The following PRKG2 variants were observed in gnomAD, a reference collection of about 807,000 sequenced individuals.
The protein encoded by PRKG2 is cGMP-dependent protein kinase 2.
Under a neutral mutation model 97.2 loss-of-function variants are expected in PRKG2, and 33 were observed. The ratio of observed to expected loss-of-function variants is 0.34; its 90% confidence interval spans 0.26 to 0.45. The LOEUF (loss-of-function observed/expected upper bound fraction) is 0.45. Among genes scored for constraint, PRKG2 ranks in the 20% least tolerant of loss-of-function variants. The pLI, the probability that PRKG2 is intolerant of heterozygous loss-of-function variation, is 1.00. For synonymous variants in PRKG2, 330 were observed against 321.8 expected, an observed-to-expected ratio of 1.03 and a Z score of -0.27; for missense variants, 638 against 900.0, an observed-to-expected ratio of 0.71 and a Z score of 3.73.
At chr4:81,159,993 A>G (rs1749473865) in intron 6 of PRKG2, among the ~76,000 whole-genome samples, 1 of 150,816 alleles carries the variant, frequency 6.6e-6, no homozygotes, top group Non-Finnish European at 1.5e-5. Flanking sequence ...GAGCATTGGG[A>G]GATATACCTA....
Position 81,169,492 on chromosome 4 carries a change from C to T in PRKG2, c.848+171G>A, listed in dbSNP as rs1578460146. ...ATACAAGGATAATAGAAATTAAATA[C>T]AGTTTTTGGTATGTACTGGCATTTA... On this transcript the variant is annotated intron_variant, in intron 5 of 18. Coordinates refer to ENST00000264399, the MANE Select transcript of PRKG2 (RefSeq NM_006259.3). Among the ~76,000 whole-genome samples, 6 of 152,144 alleles carry T rather than the reference C, an allele frequency of 3.9e-5. 1 individual carries two copies. Among genetic ancestry groups the T allele is most frequent in the Admixed American group, 3.9e-4 (6 of 15,256 alleles).
chr4:81,178,579 G>T (rs1006984653), intron 2 of PRKG2, among the ~76,000 whole-genome samples: 1 of 151,232 alleles, frequency 6.6e-6, no homozygotes, highest in Non-Finnish European at 1.5e-5. Flanking sequence ...AGCTTGACAC[G>T]CAAAAGATCA....
chr4:81,201,503 T>C (rs775594380), intron 2 of PRKG2, among the ~76,000 whole-genome samples: 15 of 152,068 alleles, frequency 9.9e-5, no homozygotes, highest in Admixed American at 5.9e-4. Flanking sequence ...AGTAGGGAGG[T>C]ACAATTAGAC....
At chr4:81,194,386 G>GT (rs1418600767) in intron 2 of PRKG2, among the ~76,000 whole-genome samples, 1 of 149,262 alleles carries the variant, frequency 6.7e-6, no homozygotes, top group East Asian at 2.0e-4. Flanking sequence ...CCAGATAATT[G>GT]TTTTTGAGTG....
chr4:81,160,750 C>CT (rs1749537434), intron 6 of PRKG2, among the ~76,000 whole-genome samples: 1 of 151,946 alleles, frequency 6.6e-6, no homozygotes, highest in Non-Finnish European at 1.5e-5. Context: ...TTGCATATTT[C>CT]TTTTTATTTA....
Position 81,148,904 on chromosome 4 carries a change from T to C in PRKG2, c.1134A>G (p.Ala378=), listed in dbSNP as rs1560580060. Residue 378 remains alanine, a synonymous_variant, in exon 9 of 19, where the codon GCA becomes GCG. Coordinates refer to ENST00000264399, the MANE Select transcript of PRKG2 (RefSeq NM_006259.3). ...ANIIAEENDV[A]CLVIDRETFN... is the part of the protein sequence containing the mutation. ...CTCACTCTCGATCTATAACCAGGCA[T>C]GCAACATCATTTTCTTCAGCAATAA... 4 of 1,613,778 alleles carry C rather than the reference T, an allele frequency of 2.5e-6. No homozygotes were observed. Among genetic ancestry groups the C allele is most frequent in the Non-Finnish European group, 3.4e-6 (4 of 1,179,710 alleles).
At chr4:81,136,201 T>C (rs1314440318) in intron 13 of PRKG2, among the ~76,000 whole-genome samples, 1 of 152,212 alleles carries the variant, frequency 6.6e-6, no homozygotes. Context: ...GAAATGTTCA[T>C]GATACAACAC....
chr4:81,182,311 G>T (rs575212906), intron 2 of PRKG2, among the ~76,000 whole-genome samples: 2 of 151,966 alleles, frequency 1.3e-5, no homozygotes, highest in Non-Finnish European at 2.9e-5. Flanking sequence ...ATAATGGGAT[G>T]CAGAAAGAGT....
intron 2 of PRKG2, among the ~76,000 whole-genome samples, chr4:81,185,770 G>A (rs1751828320): frequency 6.6e-6 from 1 of 151,986 alleles, no homozygotes; most frequent in South Asian, 2.1e-4. Context: ...AAAAAGGGAT[G>A]GTGGAATATT....
intron 13 of PRKG2, 142 bp from the exon 14 acceptor site, chr4:81,135,438 T>A: frequency 1.3e-6 from 1 of 758,708 alleles, no homozygotes; most frequent in Non-Finnish European, 2.0e-6. Context: ...TATTTTATAC[T>A]ACCCATGAAT....
At chr4:81,121,920 A>G (rs1340232250) in intron 14 of PRKG2, among the ~76,000 whole-genome samples, 1 of 152,212 alleles carries the variant, frequency 6.6e-6, no homozygotes, top group Non-Finnish European at 1.5e-5. Flanking sequence ...TCAACGTTTA[A>G]TATGTCTTGT....
chr4:81,155,919 CCTG>C (rs1434375650), intron 6 of PRKG2, among the ~76,000 whole-genome samples: 2 of 151,062 alleles, frequency 1.3e-5, no homozygotes, highest in Non-Finnish European at 3.0e-5. Flanking sequence ...TAAAAGAGCT[CCTG>C]AAGGAAGCAC....
At chr4:81,166,531 G>A (rs986718753) in intron 6 of PRKG2, among the ~76,000 whole-genome samples, 9 of 152,068 alleles carry the variant, frequency 5.9e-5, no homozygotes, top group Admixed American at 4.6e-4. Context: ...GGTACATGTC[G>A]TAAAAGCATT....
rs148060368 is a variant in PRKG2 at position 81,151,953 on chromosome 4, A to T, written c.1085+7T>A. 4.4e-6 allele frequency: 7 copies of T among 1,590,656 alleles called. No homozygotes were observed. The highest frequency in any genetic ancestry group is 6.0e-6 in the Non-Finnish European group (7 of 1,161,348). ...TCCAAAGTATGGCATATAATTCATGAATTCACCTGATAAGAGCTTTTTCTC... is the reference window on the plus strand; with the variant it reads ...TCCAAAGTATGGCATATAATTCATGTATTCACCTGATAAGAGCTTTTTCTC... On this transcript the variant is annotated splice_region_variant and intron_variant, in intron 8 of 18. Coordinates refer to ENST00000264399, the MANE Select transcript of PRKG2 (RefSeq NM_006259.3).
chr4:81,144,766 C>A (rs1200281328), intron 9 of PRKG2, among the ~76,000 whole-genome samples: 2 of 114,088 alleles, frequency 1.8e-5, no homozygotes, highest in Non-Finnish European at 3.4e-5. Flanking sequence ...CCTCCCCCCA[C>A]CCCATGACAG....
At chr4:81,171,575 GAACATATAGGGT>G in intron 4 of PRKG2, 104 bp downstream of exon 4, 1 of 686,282 alleles carries the variant, frequency 1.5e-6, no homozygotes, top group Middle Eastern at 2.8e-4. Flanking sequence ...TCTATTATAA[GAACATATAGGGT>G]AAAATGGGAA....
At chr4:81,166,240 T>A (rs531666032) in intron 6 of PRKG2, among the ~76,000 whole-genome samples, 84 of 152,238 alleles carry the variant, frequency 5.5e-4, no homozygotes, top group African/African-American at 1.8e-3. Context: ...TTGACAGATA[T>A]TAGTTACATT....
chr4:81,173,106 A>AT (rs1260659755), intron 3 of PRKG2, among the ~76,000 whole-genome samples: 2 of 152,168 alleles, frequency 1.3e-5, no homozygotes, highest in African/African-American at 4.8e-5. Flanking sequence ...ATGCTGAAGA[A>AT]TTATATGGAA....
At position 81,142,950 on chromosome 4, in the gene PRKG2, G is replaced by A. The variant is rs370875267; in HGVS notation, c.1254-3C>T. On this transcript the variant is annotated splice_region_variant and splice_polypyrimidine_tract_variant and intron_variant, in intron 10 of 18. Transcript: ENST00000264399. ...GCTTCCAGTTAGACATGGACCGCCT[G>A]TACAAGAGAAGTGAAACTTTACACA... 21 of 1,598,868 alleles carry A rather than the reference G, an allele frequency of 1.3e-5. No individual in the cohort carries two copies. The highest frequency in any genetic ancestry group is 4.0e-5 in the African/African-American group (3 of 74,540).
Sources: allele counts gnomAD v4.1 joint callset (sites outside exome capture counted in the v4.1 genomes callset), GRCh38; gene constraint gnomAD v4.1.1; transcripts MANE v1.5; gene names NCBI Gene and HGNC (gene_info 2026-07-23, HGNC 2026-07-21).